FOXP1: variants seen among roughly 807,000 people sequenced by gnomAD.
The protein encoded by FOXP1 is forkhead box P1, also known as forkhead box protein P1.
Under a neutral mutation model 98.2 loss-of-function variants are expected in FOXP1, and 15 were observed. That is an observed-to-expected ratio of 0.15 (90% CI 0.10 to 0.24). The LOEUF (loss-of-function observed/expected upper bound fraction) is 0.24. Ranked by LOEUF, FOXP1 falls within the 10% of genes least tolerant of loss-of-function variation. The pLI, the probability that FOXP1 is intolerant of heterozygous loss-of-function variation, is 1.00. For synonymous variants in FOXP1, 371 were observed against 314.5 expected (o/e 1.18, Z -1.90); for missense variants, 633 against 848.5 (o/e 0.75, Z 3.15).
intron 5 of FOXP1, among the ~76,000 whole-genome samples, chr3:71,248,481 G>A (rs990419773): frequency 1.2e-4 from 18 of 152,140 alleles, no homozygotes; most frequent in South Asian, 6.2e-4. Flanking sequence ...GGTGGCTCAC[G>A]CCTGTAATCC....
intron 5 of FOXP1, among the ~76,000 whole-genome samples, chr3:71,298,358 A>G (rs1225762734): frequency 6.6e-6 from 1 of 152,068 alleles, no homozygotes; most frequent in Non-Finnish European, 1.5e-5. Flanking sequence ...CCAGCTACTC[A>G]GGAGGGTGGG....
chr3:71,566,678 T>C (rs929562189), intron 2 of FOXP1, among the ~76,000 whole-genome samples: 1 of 152,136 alleles, frequency 6.6e-6, no homozygotes, highest in Admixed American at 6.5e-5. Context: ...CTTTCCTTAT[T>C]ATGTACCAGA....
chr3:71,028,544 A>C (rs2046434946), intron 11 of FOXP1, among the ~76,000 whole-genome samples: 1 of 152,210 alleles, frequency 6.6e-6, no homozygotes, highest in African/African-American at 2.4e-5. Flanking sequence ...GAGCAGCTAC[A>C]GGTATCGACA....
intron 7 of FOXP1, among the ~76,000 whole-genome samples, chr3:71,084,096 T>A (rs1277113548): frequency 3.9e-5 from 6 of 152,146 alleles, no homozygotes; most frequent in Non-Finnish European, 8.8e-5. Context: ...CCATGCACCA[T>A]TCACCAGGTT....
At chr3:71,341,026 C>G (rs1479573340) in intron 4 of FOXP1, among the ~76,000 whole-genome samples, 1 of 152,096 alleles carries the variant, frequency 6.6e-6, no homozygotes, top group African/African-American at 2.4e-5. Context: ...TAGCTGGAGA[C>G]TTCAATACTC....
intron 4 of FOXP1, among the ~76,000 whole-genome samples, chr3:71,320,920 G>A (rs1403213776): frequency 6.6e-6 from 1 of 152,068 alleles, no homozygotes. Context: ...GTGAATGACT[G>A]AGATATAATT....
chr3:71,110,787 G>C (rs79124992), intron 7 of FOXP1, among the ~76,000 whole-genome samples: 1,535 of 152,220 alleles, frequency 0.01, 32 homozygotes, highest in African/African-American at 0.036. Context: ...CAACATAGTC[G>C]TATTTCATCC....
intron 3 of FOXP1, among the ~76,000 whole-genome samples, chr3:71,411,614 G>T (rs542684953): frequency 6.6e-6 from 1 of 152,260 alleles, no homozygotes; most frequent in Admixed American, 6.5e-5. Flanking sequence ...GAGCCACTGC[G>T]CCCGGCTGAA....
intron 5 of FOXP1, among the ~76,000 whole-genome samples, chr3:71,254,588 A>G (rs567727779): frequency 6.6e-6 from 1 of 152,330 alleles, no homozygotes; most frequent in South Asian, 2.1e-4. Context: ...TTAGATATAC[A>G]CTGAATGCTT....
intron 14 of FOXP1, among the ~76,000 whole-genome samples, chr3:70,979,458 T>C (rs1245762289): frequency 1.3e-5 from 2 of 152,130 alleles, no homozygotes; most frequent in African/African-American, 2.4e-5. Flanking sequence ...CGTCTGGCAA[T>C]GCTGAAGAAT....
intron 2 of FOXP1, among the ~76,000 whole-genome samples, chr3:71,556,019 G>C (rs182042411): frequency 6.1e-4 from 93 of 152,112 alleles, no homozygotes; most frequent in African/African-American, 2.1e-3. Flanking sequence ...CTGTCTTACA[G>C]AATGTTATAA....
chr3:71,060,623 A>C (rs1559843354), intron 7 of FOXP1, among the ~76,000 whole-genome samples: 1 of 152,130 alleles, frequency 6.6e-6, no homozygotes, highest in Non-Finnish European at 1.5e-5. Context: ...AAAAAATCAA[A>C]ATTTAATGTA....
chr3:71,173,671 G>A (rs941342490), intron 6 of FOXP1, among the ~76,000 whole-genome samples: 3 of 152,148 alleles, frequency 2.0e-5, no homozygotes, highest in Non-Finnish European at 4.4e-5. Context: ...ATCTAGTAAG[G>A]AATTACCGAG....
chr3:71,212,162 A>G (rs1224353851), intron 5 of FOXP1, among the ~76,000 whole-genome samples: 2 of 152,204 alleles, frequency 1.3e-5, no homozygotes, highest in African/African-American at 4.8e-5. Context: ...AAGGATTAAA[A>G]AAGAATTGAA....
At chr3:71,278,167 A>T (rs574216707) in intron 5 of FOXP1, among the ~76,000 whole-genome samples, 1 of 152,338 alleles carries the variant, frequency 6.6e-6, no homozygotes, top group Admixed American at 6.5e-5. Context: ...TGAAGTTTCA[A>T]TGAAGTTATA....
chr3:71,190,651 A>AG (rs1221363388), intron 6 of FOXP1, among the ~76,000 whole-genome samples: 1 of 151,402 alleles, frequency 6.6e-6, no homozygotes, highest in Non-Finnish European at 1.5e-5. Flanking sequence ...AAAAAAAAAA[A>AG]AAAAAAAAAA....
chr3:71,178,988 T>C (rs1263109781), intron 6 of FOXP1, among the ~76,000 whole-genome samples: 1 of 145,892 alleles, frequency 6.9e-6, no homozygotes, highest in Admixed American at 6.9e-5. Flanking sequence ...GAGAATCATT[T>C]GACCCTGGGA....
At chr3:71,359,796 C>T (rs2078422897) in intron 3 of FOXP1, among the ~76,000 whole-genome samples, 1 of 152,044 alleles carries the variant, frequency 6.6e-6, no homozygotes, top group Non-Finnish European at 1.5e-5. Flanking sequence ...CAAAGTGCTG[C>T]AATTATTTTT....
At chr3:71,450,272 AT>A (rs1235430525) in intron 3 of FOXP1, among the ~76,000 whole-genome samples, 3 of 152,224 alleles carry the variant, frequency 2.0e-5, no homozygotes, top group Non-Finnish European at 4.4e-5. Flanking sequence ...CTGTACCTCC[AT>A]GCTGGCAATT....
Sources: allele counts gnomAD v4.1 joint callset (sites outside exome capture counted in the v4.1 genomes callset), GRCh38; gene constraint gnomAD v4.1.1; transcripts MANE v1.5; gene names NCBI Gene and HGNC (gene_info 2026-07-23, HGNC 2026-07-21).